LRRN1: variants seen among roughly 807,000 people sequenced by gnomAD.
LRRN1 encodes leucine-rich repeat neuronal protein 1.
Under a neutral mutation model 45.8 loss-of-function variants are expected in LRRN1, and 14 were observed. The ratio of observed to expected loss-of-function variants is 0.31; its 90% confidence interval spans 0.20 to 0.48. The LOEUF is 0.48. Among genes scored for constraint, LRRN1 ranks in the 20% least tolerant of loss-of-function variants. The probability of loss-of-function intolerance (pLI) is 0.99; values close to 1 mark genes in which losing one functional copy is unlikely to be tolerated. For synonymous variants in LRRN1, 359 were observed against 330.1 expected, an observed-to-expected ratio of 1.09 and a Z score of -0.95; for missense variants, 789 against 874.2, an observed-to-expected ratio of 0.90 and a Z score of 1.23.
intron 1 of LRRN1, among the ~76,000 whole-genome samples, chr3:3,800,489 T>C (rs930557485): frequency 2.6e-5 from 4 of 151,948 alleles, no homozygotes; most frequent in Non-Finnish European, 4.4e-5. Context: ...ACTGAAAGTA[T>C]TGAAGTCAGA....
At position 3,845,409 on chromosome 3, in the gene LRRN1, A is replaced by G. The variant is rs9844909; in HGVS notation, c.768A>G (p.Gln256=). 0.23 allele frequency: 379,254 copies of G among 1,613,914 alleles called. 46,195 individuals carry two copies. The highest frequency in any genetic ancestry group is 0.33 in the South Asian group (29,924 of 91,074). The change falls in exon 2 of 2, where the codon CAA becomes CAG. Residue 256 remains glutamine (Q), a synonymous_variant. Coordinates refer to ENST00000319331, the MANE Select transcript of LRRN1 (RefSeq NM_020873.7). This position sits in a 1 kb window ranked among gnomAD's most constrained non-coding sequence, Gnocchi z 6.5. Reference sequence around the variant, plus strand: ...ATAACAAACTGGTTAAAGTCCCTCAACTTGCCCTGCAAAAAGTTCCAAATT... The same window carrying G: ...ATAACAAACTGGTTAAAGTCCCTCAGCTTGCCCTGCAAAAAGTTCCAAATT... ...FYDNKLVKVP[Q]LALQKVPNLK...
chr3:3,823,337 T>C (rs1693144419), intron 1 of LRRN1, among the ~76,000 whole-genome samples: 2 of 151,982 alleles, frequency 1.3e-5, no homozygotes, highest in South Asian at 4.2e-4. Flanking sequence ...TCTCTATGCA[T>C]CTATTTCCTC....
intron 1 of LRRN1, among the ~76,000 whole-genome samples, chr3:3,842,832 A>G (rs994559078): frequency 6.6e-6 from 1 of 152,210 alleles, no homozygotes; most frequent in African/African-American, 2.4e-5. Flanking sequence ...CACTGGATCC[A>G]TAATGGCTTT....
chr3:3,839,122 T>C (rs1194952319), intron 1 of LRRN1, among the ~76,000 whole-genome samples: 3 of 152,056 alleles, frequency 2.0e-5, no homozygotes, highest in Admixed American at 1.3e-4. Context: ...CTTCTAGGAG[T>C]TTTATAGGTT....
chr3:3,846,094 G>C lies in LRRN1; in HGVS notation c.1453G>C (p.Glu485Gln), dbSNP rs1317983697. ...CAAGCTAAGTAGCGAAGGTACCTTG[G>C]AAATATCTAACATACAAATTGAAGA... ...KYKLSSEGTL[E>Q]ISNIQIEDSG... Residue 485 changes from glutamate (E) to glutamine (Q), a missense_variant, in exon 2 of 2, where the codon GAA becomes CAA. Physicochemically the swap from Glu to Gln is conservative, Grantham distance 29 (BLOSUM62 2). Transcript: ENST00000319331. The surrounding 1 kb of genome is among the most constrained non-coding windows in gnomAD (Gnocchi z 5.7). 1 of 1,614,018 alleles carries C rather than the reference G, an allele frequency of 6.2e-7. No homozygotes were observed. Among genetic ancestry groups the C allele is most frequent in the Non-Finnish European group, 8.5e-7 (1 of 1,180,020 alleles).
Position 3,847,038 on chromosome 3 carries a change from T to C in LRRN1, c.*246T>C. ...TTCTTATCATTATTATGATTGTTAT[T>C]ATATTATTATTTTATTTTAGTTGTT... On this transcript the variant is annotated 3_prime_UTR_variant, in exon 2 of 2. Coordinates refer to ENST00000319331, the MANE Select transcript of LRRN1 (RefSeq NM_020873.7). 2 of 308,130 alleles carry C rather than the reference T, an allele frequency of 6.5e-6. No individual in the cohort carries two copies. The highest frequency in any genetic ancestry group is 1.3e-5 in the Non-Finnish European group (2 of 159,848). 19.1% of individuals were successfully genotyped at this position (308,130 alleles called of 1,614,324 possible). A position where few individuals can be genotyped will look rare whatever the true frequency, so the allele number is the denominator to read the frequency against.
intron 1 of LRRN1, among the ~76,000 whole-genome samples, chr3:3,805,690 A>G (rs1692736338): frequency 6.6e-6 from 1 of 152,152 alleles, no homozygotes; most frequent in East Asian, 1.9e-4. Flanking sequence ...CCCATAGCTA[A>G]GAGATTTTGT....
chr3:3,828,152 ATT>A lies in LRRN1; in HGVS notation c.-278-16211_-278-16210del, dbSNP rs1040710518. Among the ~76,000 whole-genome samples, 32 of 135,656 alleles carry A rather than the reference ATT, an allele frequency of 2.4e-4. 1 individual carries two copies. In the South Asian group the frequency reaches 5.7e-3, roughly 24 times the overall value. 89.0% of individuals were successfully genotyped at this position (135,656 alleles called of 152,430 possible). A position where few individuals can be genotyped will look rare whatever the true frequency, so the allele number is the denominator to read the frequency against. On this transcript the variant is annotated intron_variant, in intron 1 of 1. Transcript: ENST00000319331. Reference sequence around the variant, plus strand: ...CAGAATTATATATATATATATATATATTATATATATATCTCCCATTAGTGTAT... The same window carrying A: ...CAGAATTATATATATATATATATATAATATATATATCTCCCATTAGTGTAT...
chr3:3,800,469 T>C (rs115754601), intron 1 of LRRN1, among the ~76,000 whole-genome samples: 6,213 of 151,818 alleles, frequency 0.041, 179 homozygotes, highest in Middle Eastern at 0.079. Flanking sequence ...AGGGGTATAA[T>C]TGACAAGGCA....
intron 1 of LRRN1, among the ~76,000 whole-genome samples, chr3:3,825,632 C>T (rs1311159840): frequency 1.3e-5 from 2 of 152,134 alleles, no homozygotes; most frequent in African/African-American, 2.4e-5. Flanking sequence ...GAGCAAGGCA[C>T]TCGAGTTTCA....
At position 3,816,265 on chromosome 3, in the gene LRRN1, C is replaced by T. The variant is rs1280789863; in HGVS notation, c.-279+16346C>T. Among the ~76,000 whole-genome samples, 1 of 152,032 alleles carries T rather than the reference C, an allele frequency of 6.6e-6. No individual in the cohort carries two copies. The highest frequency in any genetic ancestry group is 1.5e-5 in the Non-Finnish European group (1 of 68,002). ...TGTGCACTGGTGGATTTATGGTTTC[C>T]AGGTCATCGATGATCTGAGCACTTT... On this transcript the variant is annotated intron_variant, in intron 1 of 1. Coordinates refer to ENST00000319331, the MANE Select transcript of LRRN1 (RefSeq NM_020873.7). The surrounding 1 kb of genome is among the most constrained non-coding windows in gnomAD (Gnocchi z 4.0).
At position 3,845,449 on chromosome 3, in the gene LRRN1, C is replaced by G. The variant is rs1693746580; in HGVS notation, c.808C>G (p.Leu270Val). The change falls in exon 2 of 2, where the codon CTC (leucine) becomes GTC (valine). Residue 270 changes from leucine (L) to valine (V), a missense_variant. By Grantham distance (32) the Leu-to-Val change is conservative. Transcript: ENST00000319331. This position sits in a 1 kb window ranked among gnomAD's most constrained non-coding sequence, Gnocchi z 6.5. ...QKVPNLKFLDLNKNPIHKIQE... is the reference protein window; with the variant it reads ...QKVPNLKFLDVNKNPIHKIQE... ...AGTTCCAAATTTGAAATTCTTAGAC[C>G]TCAACAAAAACCCCATTCACAAAAT... The G allele has an allele frequency of 6.2e-7, 1 of 1,613,914 alleles. No homozygotes were observed. Among genetic ancestry groups the G allele is most frequent in the Admixed American group, 1.7e-5 (1 of 59,976 alleles).
chr3:3,825,146 C>G (rs1350704565), intron 1 of LRRN1, among the ~76,000 whole-genome samples: 1 of 152,114 alleles, frequency 6.6e-6, no homozygotes, highest in Non-Finnish European at 1.5e-5. Flanking sequence ...TTTTCTTTTG[C>G]TTTTTACATT....
chr3:3,802,892 T>C (rs896921493), intron 1 of LRRN1, among the ~76,000 whole-genome samples: 1 of 152,246 alleles, frequency 6.6e-6, no homozygotes, highest in African/African-American at 2.4e-5. Flanking sequence ...TGAAACCTTA[T>C]CTTTGGCAAT....
intron 1 of LRRN1, among the ~76,000 whole-genome samples, chr3:3,812,976 C>G (rs1224818337): frequency 6.6e-6 from 1 of 152,138 alleles, no homozygotes; most frequent in African/African-American, 2.4e-5. Context: ...CTACACTTTC[C>G]TTTCATTGTA....
chr3:3,831,201 C>T (rs944941921), intron 1 of LRRN1, among the ~76,000 whole-genome samples: 7 of 152,176 alleles, frequency 4.6e-5, no homozygotes, highest in Non-Finnish European at 8.8e-5. Flanking sequence ...GAATGTGTTG[C>T]CTCCAAGATC....
chr3:3,812,991 A>G (rs1372585612), intron 1 of LRRN1, among the ~76,000 whole-genome samples: 1 of 152,068 alleles, frequency 6.6e-6, no homozygotes, highest in Admixed American at 6.6e-5. Context: ...ATTGTAGTGA[A>G]CCTCTCATTA....
At position 3,846,945 on chromosome 3, in the gene LRRN1, A is replaced by G. The variant is rs1243003388; in HGVS notation, c.*153A>G. 2 of 625,508 alleles carry G rather than the reference A, an allele frequency of 3.2e-6. No homozygotes were observed. Among genetic ancestry groups the G allele is most frequent in the Non-Finnish European group, 5.5e-6 (2 of 364,680 alleles). The allele number at this position is 625,508 out of a possible 1,614,324, so 38.7% of individuals were successfully genotyped here. The stretch of plus-strand genomic sequence containing the variant: ...GGTGGATATTTCAAATTTTTTTAGT[A>G]TAGCGTATCGCAAGGGTTTGACACG... On this transcript the variant is annotated 3_prime_UTR_variant, in exon 2 of 2. Transcript: ENST00000319331. This position sits in a 1 kb window ranked among gnomAD's most constrained non-coding sequence, Gnocchi z 5.7.
At chr3:3,821,009 T>A (rs1356916294) in intron 1 of LRRN1, among the ~76,000 whole-genome samples, 1 of 152,204 alleles carries the variant, frequency 6.6e-6, no homozygotes, top group African/African-American at 2.4e-5. Context: ...AAGGCTGGAA[T>A]CTTTTTAAAC....
Sources: gnomAD v4.1 joint callset for allele counts (sites outside exome capture counted in the v4.1 genomes callset) on GRCh38, gnomAD v4.1.1 for gene constraint, Gnocchi (gnomAD v3.1) non-coding constraint, MANE v1.5 for transcripts, NCBI Gene and HGNC (gene_info 2026-07-23, HGNC 2026-07-21) for gene names.